Variants in EPHA6 observed in about 807,000 individuals in gnomAD.
EPHA6 encodes the protein ephrin type-A receptor 6.
A neutral mutation model predicts 112.0 loss-of-function variants in EPHA6; 50 were observed. The observed-to-expected ratio is 0.45, with a 90% CI of 0.36 to 0.56. EPHA6 has a LOEUF of 0.56. Ranked by LOEUF, EPHA6 falls within the 20% of genes least tolerant of loss-of-function variation. The pLI is 0.00. For missense variants in EPHA6, 1,280 were observed against 1,417.4 expected (o/e 0.90, Z 1.56); for synonymous variants, 529 against 490.7 (o/e 1.08, Z -1.03).
intron 3 of EPHA6, among the ~76,000 whole-genome samples, chr3:97,006,347 G>A (rs200791940): frequency 2.2e-4 from 33 of 151,590 alleles, no homozygotes; most frequent in East Asian, 5.8e-4. Context: ...GGGTGTATGC[G>A]TCCAGGAAGT....
chr3:97,487,676 C>CT (rs910546431), intron 10 of EPHA6, among the ~76,000 whole-genome samples: 1 of 152,024 alleles, frequency 6.6e-6, no homozygotes, highest in African/African-American at 2.4e-5. Flanking sequence ...TTCTAGGGTA[C>CT]TTTTTTTGTG....
chr3:97,538,622 A>C (rs2092795325), intron 11 of EPHA6, among the ~76,000 whole-genome samples: 1 of 152,192 alleles, frequency 6.6e-6, no homozygotes, highest in Admixed American at 6.5e-5. Context: ...CAACTGAAGA[A>C]GAGAAGTGTA....
At chr3:96,877,988 A>G (rs921137713) in intron 2 of EPHA6, among the ~76,000 whole-genome samples, 6 of 151,202 alleles carry the variant, frequency 4.0e-5, no homozygotes, top group African/African-American at 1.5e-4. Context: ...GGAGGATAAA[A>G]TGAAATTTGT....
At chr3:97,308,556 A>G (rs185262921) in intron 5 of EPHA6, among the ~76,000 whole-genome samples, 1 of 151,674 alleles carries the variant, frequency 6.6e-6, no homozygotes, top group Non-Finnish European at 1.5e-5. Flanking sequence ...TTATCCCTCT[A>G]TTAACTCCTA....
chr3:97,346,023 C>T (rs1453606415), intron 5 of EPHA6, among the ~76,000 whole-genome samples: 1 of 152,066 alleles, frequency 6.6e-6, no homozygotes, highest in Non-Finnish European at 1.5e-5. Context: ...TGTGCAAATG[C>T]TACACCTCCT....
At chr3:97,386,308 G>A (rs1390270863) in intron 5 of EPHA6, among the ~76,000 whole-genome samples, 2 of 152,180 alleles carry the variant, frequency 1.3e-5, no homozygotes, top group East Asian at 1.9e-4. Flanking sequence ...TTATAGGAGT[G>A]TGAGAATGGA....
At chr3:97,559,628 A>G in intron 11 of EPHA6, 1 of 455,310 alleles carries the variant, frequency 2.2e-6, no homozygotes, top group Admixed American at 2.4e-5. Flanking sequence ...TCAGGGCAAA[A>G]GGGGAAGCAG....
At chr3:97,534,904 T>C (rs1417710428) in intron 11 of EPHA6, among the ~76,000 whole-genome samples, 2 of 152,088 alleles carry the variant, frequency 1.3e-5, no homozygotes, top group African/African-American at 4.8e-5. Context: ...TGATGTGTGT[T>C]TATGCATGAA....
chr3:97,640,008 G>C (rs1456801031), intron 14 of EPHA6, among the ~76,000 whole-genome samples: 1 of 151,696 alleles, frequency 6.6e-6, no homozygotes, highest in Non-Finnish European at 1.5e-5. Flanking sequence ...ACTTTATAAT[G>C]AACATGGACA....
intron 7 of EPHA6, among the ~76,000 whole-genome samples, chr3:97,468,623 T>G (rs1028372186): frequency 1.3e-5 from 2 of 151,680 alleles, no homozygotes; most frequent in Non-Finnish European, 3.0e-5. Flanking sequence ...CCACATTATT[T>G]TCTATTAATT....
chr3:97,039,875 C>T (rs1057035145), intron 3 of EPHA6, among the ~76,000 whole-genome samples: 1 of 151,746 alleles, frequency 6.6e-6, no homozygotes. Context: ...CAAAGCCAGC[C>T]CTCGTAACCT....
At chr3:97,141,116 G>T (rs1332971180) in intron 3 of EPHA6, among the ~76,000 whole-genome samples, 1 of 152,016 alleles carries the variant, frequency 6.6e-6, no homozygotes, top group African/African-American at 2.4e-5. Flanking sequence ...ATGACAAAGG[G>T]TTCAATTCAA....
intron 2 of EPHA6, among the ~76,000 whole-genome samples, chr3:96,909,829 A>G (rs1161358950): frequency 6.4e-4 from 97 of 152,048 alleles, no homozygotes; most frequent in Non-Finnish European, 1.5e-4. Context: ...GACCAGAATT[A>G]TAAATGTTGG....
chr3:97,192,715 G>C (rs1215717675), intron 3 of EPHA6, among the ~76,000 whole-genome samples: 2 of 152,058 alleles, frequency 1.3e-5, no homozygotes, highest in Non-Finnish European at 2.9e-5. Context: ...CAATGTCTTG[G>C]AGTTTCCCCA....
chr3:96,946,760 A>T (rs992902495), intron 2 of EPHA6, among the ~76,000 whole-genome samples: 1 of 152,196 alleles, frequency 6.6e-6, no homozygotes, highest in East Asian at 1.9e-4. Context: ...ACTGACTTCC[A>T]CAATGGTTGA....
At chr3:97,367,454 G>A (rs1200160987) in intron 5 of EPHA6, among the ~76,000 whole-genome samples, 4 of 151,992 alleles carry the variant, frequency 2.6e-5, no homozygotes, top group Non-Finnish European at 4.4e-5. Flanking sequence ...GGCCGGTGAC[G>A]GCTTCTTTCG....
At chr3:97,724,942 C>T (rs905470890) in intron 15 of EPHA6, among the ~76,000 whole-genome samples, 10 of 151,866 alleles carry the variant, frequency 6.6e-5, no homozygotes, top group Admixed American at 2.0e-4. Context: ...TGTGTGAAAA[C>T]ACAGTTATTG....
chr3:97,747,901 C>G (rs1310417220), intron 17 of EPHA6, among the ~76,000 whole-genome samples: 1 of 152,038 alleles, frequency 6.6e-6, no homozygotes, highest in Non-Finnish European at 1.5e-5. Context: ...TAATCAGTTT[C>G]TATTACCTTC....
intron 6 of EPHA6, among the ~76,000 whole-genome samples, chr3:97,420,976 G>T (rs2088574795): frequency 6.6e-6 from 1 of 151,984 alleles, no homozygotes; most frequent in East Asian, 1.9e-4. Context: ...CACCTTAATA[G>T]ATGCAGAAAA....
Sources: allele counts gnomAD v4.1 joint callset (sites outside exome capture counted in the v4.1 genomes callset), GRCh38; gene constraint gnomAD v4.1.1; transcripts MANE v1.5; gene names NCBI Gene and HGNC (gene_info 2026-07-23, HGNC 2026-07-21).